Variants in NUGGC observed in about 807,000 individuals in gnomAD.
NUGGC encodes the protein nuclear GTPase, germinal center associated.
In NUGGC, 58 loss-of-function variants were observed where a neutral mutation model predicts 92.6. The ratio of observed to expected loss-of-function variants is 0.63; its 90% CI spans 0.51 to 0.78. The LOEUF (loss-of-function observed/expected upper bound fraction) is 0.78. NUGGC is among the 30% of genes least tolerant of loss of function. The pLI is 0.00. For synonymous variants in NUGGC, 376 were observed against 366.4 expected (o/e 1.03, Z -0.30); for missense variants, 925 against 964.6 (o/e 0.96, Z 0.54).
At position 28,081,227 on chromosome 8, in the gene NUGGC, G is replaced by A. The variant is rs570933643; in HGVS notation, c.-47+2548C>T. 3.3e-5 allele frequency among the ~76,000 whole-genome samples: 5 copies of A among 152,268 alleles called. No individual in the cohort carries two copies. In the South Asian group the frequency reaches 1.0e-3, roughly 32 times the overall value. On this transcript the variant is annotated intron_variant, in intron 1 of 18. Transcript: ENST00000413272. ...CCAGCTGCTTGGGAGACTGAGGCAG[G>A]AGAGTCACTTGAAGCCAGGAAACAG...
chr8:28,069,624 C>T lies in NUGGC; in HGVS notation c.177G>A (p.Arg59=), dbSNP rs17058564. The part of the protein sequence containing the change: ...EYEKLESRTR[R]VLSNTYQKLI... ...GTTTCTGATAAGTGTTGCTCAAAACCCTTCTGGTCCGTGATTCCAATTTTT... is the reference window on the plus strand; with the variant it reads ...GTTTCTGATAAGTGTTGCTCAAAACTCTTCTGGTCCGTGATTCCAATTTTT... The change falls in exon 4 of 19, where the codon AGG becomes AGA. Residue 59 remains arginine (R), a synonymous_variant. Transcript: ENST00000413272. 6,121 of 1,610,618 alleles carry T rather than the reference C, an allele frequency of 3.8e-3. 164 individuals carry two copies. The African/African-American group carries it at 0.06, about 16-fold the overall frequency.
intron 12 of NUGGC, 52 bp from the exon 13 acceptor site, chr8:28,041,267 T>C (rs1484478056): frequency 5.8e-6 from 9 of 1,540,176 alleles, no homozygotes; most frequent in African/African-American, 5.5e-5. Context: ...TAAGGGCACC[T>C]TCTCCTGAAG....
intron 15 of NUGGC, 78 bp downstream of exon 15, chr8:28,031,165 A>G: frequency 6.6e-7 from 1 of 1,521,596 alleles, no homozygotes; most frequent in Non-Finnish European, 9.1e-7. Flanking sequence ...AAGGGAACAG[A>G]CAGGCAACCT....
At chr8:28,034,582 A>G (rs1809508176) in intron 13 of NUGGC, among the ~76,000 whole-genome samples, 4 of 152,170 alleles carry the variant, frequency 2.6e-5, no homozygotes, top group Admixed American at 2.0e-4. Context: ...TCGGGAGGCC[A>G]AGGCAGGTGG....
chr8:28,061,792 G>A (rs957526599), intron 7 of NUGGC, among the ~76,000 whole-genome samples: 6 of 152,236 alleles, frequency 3.9e-5, no homozygotes, highest in African/African-American at 1.2e-4. Context: ...CAACCTTGGG[G>A]GGGTACTTGA....
rs1174632231 is a variant in NUGGC at position 28,067,683 on chromosome 8, C to G, written c.542G>C (p.Arg181Thr). Reference sequence around the variant, plus strand: ...CCTGTTCCACGCATCTGCCTCTTCTCTGCTCAGCTCCTCCGTCCTATGCAG... The same window carrying G: ...CCTGTTCCACGCATCTGCCTCTTCTGTGCTCAGCTCCTCCGTCCTATGCAG... Reference protein sequence around the residue: ...KLLHRTEELSREEADAWNRDE... With the variant: ...KLLHRTEELSTEEADAWNRDE... The change falls in exon 6 of 19, where the codon AGA becomes ACA. Residue 181 changes from arginine to threonine, a missense_variant. By Grantham distance (71) the Arg-to-Thr change is moderately conservative. Coordinates refer to ENST00000413272, the MANE Select transcript of NUGGC (RefSeq NM_001010906.2). 4 of 1,613,926 alleles carry G rather than the reference C, an allele frequency of 2.5e-6. No homozygotes were observed. Among genetic ancestry groups the G allele is most frequent in the Non-Finnish European group, 3.4e-6 (4 of 1,179,888 alleles).
intron 10 of NUGGC, among the ~76,000 whole-genome samples, chr8:28,054,474 TCTGTCTCA>T (rs1256912640): frequency 1.6e-3 from 247 of 151,636 alleles, no homozygotes; most frequent in African/African-American, 5.7e-3. Context: ...GGAGCGCAAC[TCTGTCTCA>T]AAATAAAAAA....
intron 13 of NUGGC, among the ~76,000 whole-genome samples, chr8:28,036,932 T>C (rs1390640222): frequency 6.6e-6 from 1 of 152,200 alleles, no homozygotes; most frequent in Non-Finnish European, 1.5e-5. Flanking sequence ...CTGCACATTA[T>C]GTAACCACGC....
At chr8:28,065,472 TA>T (rs759458610) in intron 6 of NUGGC, among the ~76,000 whole-genome samples, 1 of 152,206 alleles carries the variant, frequency 6.6e-6, no homozygotes, top group Non-Finnish European at 1.5e-5. Context: ...AATTGGATCT[TA>T]AAAAGAGTTT....
intron 1 of NUGGC, among the ~76,000 whole-genome samples, chr8:28,080,519 G>T (rs1250181470): frequency 6.6e-6 from 1 of 152,048 alleles, no homozygotes; most frequent in African/African-American, 2.4e-5. Flanking sequence ...TCTCAAAGGG[G>T]CATTTTGGTC....
chr8:28,047,677 G>A (rs2130149736), intron 10 of NUGGC, 65 bp from the exon 11 acceptor site: 6 of 977,452 alleles, frequency 6.1e-6, no homozygotes, highest in Middle Eastern at 2.1e-4. Flanking sequence ...ATCATGCACA[G>A]GACCCACAAG....
Position 28,064,507 on chromosome 8 carries a change from A to G in NUGGC, c.921+15T>C. The G allele has an allele frequency of 6.2e-7, 1 of 1,611,912 alleles. No homozygotes were observed. Among genetic ancestry groups the G allele is most frequent in the Non-Finnish European group, 8.5e-7 (1 of 1,178,002 alleles). On this transcript the variant is annotated intron_variant, in intron 7 of 18. Transcript: ENST00000413272. ...GTTTAGGGAAGAGAGAACTAAACCT[A>G]CGAAAGACAGTCACCTTTTTCCACA...
chr8:28,039,580 C>T (rs1809641395), intron 13 of NUGGC, among the ~76,000 whole-genome samples: 1 of 152,186 alleles, frequency 6.6e-6, no homozygotes, highest in Admixed American at 6.5e-5. Context: ...CAGATAACAA[C>T]ACCCAGAAGA....
intron 15 of NUGGC, 25 bp downstream of exon 15, chr8:28,031,218 T>C: frequency 6.2e-7 from 1 of 1,613,716 alleles, no homozygotes; most frequent in Middle Eastern, 1.7e-4. Flanking sequence ...ACCTCACTGC[T>C]CTCCTCACTT....
chr8:28,053,143 A>G (rs1810047919), intron 10 of NUGGC, among the ~76,000 whole-genome samples: 1 of 152,134 alleles, frequency 6.6e-6, no homozygotes, highest in African/African-American at 2.4e-5. Flanking sequence ...CTTCTGTCTC[A>G]TGTTTTCTGT....
chr8:28,059,999 C>T (rs985101345), intron 8 of NUGGC, among the ~76,000 whole-genome samples: 4 of 150,774 alleles, frequency 2.7e-5, no homozygotes, highest in Non-Finnish European at 4.4e-5. Flanking sequence ...CCAGCCTGGG[C>T]GGCACAGCAA....
rs371563075 is a variant in NUGGC at position 28,045,540 on chromosome 8, G to A, written c.1433C>T (p.Thr478Met). Residue 478 changes from threonine to methionine, a missense_variant, in exon 12 of 19, where the codon ACG becomes ATG. Coordinates refer to ENST00000413272, the MANE Select transcript of NUGGC (RefSeq NM_001010906.2). ...LLLLTDSFNSTQNLPNEHLHM... is the reference protein window; with the variant it reads ...LLLLTDSFNSMQNLPNEHLHM... ...TGTCTTCCATACCGGCAGGTTTTGC[G>A]TGGAGTTGAAACTATCTGTGAGGAG... 3.8e-5 allele frequency: 62 copies of A among 1,612,102 alleles called. No homozygotes were observed. The highest frequency in any genetic ancestry group is 2.0e-4 in the South Asian group (18 of 90,910).
chr8:28,045,729 G>A, intron 11 of NUGGC, 69 bp from the exon 12 acceptor site: 2 of 1,526,514 alleles, frequency 1.3e-6, no homozygotes, highest in Non-Finnish European at 1.8e-6. Flanking sequence ...ATTCATAAAA[G>A]TTGAAAGACC....
chr8:28,055,303 T>A (rs1810104666), intron 10 of NUGGC, among the ~76,000 whole-genome samples: 1 of 152,058 alleles, frequency 6.6e-6, no homozygotes, highest in African/African-American at 2.4e-5. Flanking sequence ...GAGTTTTCCT[T>A]GAACACCTCC....
Sources: allele counts gnomAD v4.1 joint callset (sites outside exome capture counted in the v4.1 genomes callset), GRCh38; gene constraint gnomAD v4.1.1; transcripts MANE v1.5; gene names NCBI Gene and HGNC (gene_info 2026-07-23, HGNC 2026-07-21).